The following BBS2 variants were observed in gnomAD, a reference collection of about 807,000 sequenced individuals.
The protein encoded by BBS2 is Bardet-Biedl syndrome 2.
In BBS2, 62 loss-of-function variants were observed where a neutral mutation model predicts 83.0. That is an observed-to-expected ratio of 0.75 (90% CI 0.61 to 0.92). The LOEUF (loss-of-function observed/expected upper bound fraction) is 0.92. Ranked by LOEUF, BBS2 falls within the 40% of genes least tolerant of loss-of-function variation. The pLI is 0.00. For missense variants in BBS2, 784 were observed against 901.0 expected, an observed-to-expected ratio of 0.87 and a Z score of 1.66; for synonymous variants, 303 against 326.1, an observed-to-expected ratio of 0.93 and a Z score of 0.76.
At chr16:56,478,657 A>C (rs1191340495) in intron 17 of BBS2, 1 of 152,248 alleles carries the variant, frequency 6.6e-6, no homozygotes, top group Admixed American at 6.5e-5. Context: ...ATCCAAGGCC[A>C]ATTTTCCAAT....
At chr16:56,476,621 A>G (rs1203433880) in intron 17 of BBS2, 1 of 153,824 alleles carries the variant, frequency 6.5e-6, no homozygotes, top group Non-Finnish European at 1.4e-5. Flanking sequence ...GAAGTTTTCC[A>G]TCTTCCCAAA....
chr16:56,485,797 A>AACCCTC, intron 15 of BBS2, 59 bp from the exon 16 acceptor site: 1 of 1,563,520 alleles, frequency 6.4e-7, no homozygotes, highest in South Asian at 1.1e-5. Context: ...GCTTAAGAAA[A>AACCCTC]ACTTGCAAAT....
At chr16:56,475,373 A>G (rs945244970) in intron 17 of BBS2, 2 of 814,894 alleles carry the variant, frequency 2.5e-6, no homozygotes, top group East Asian at 4.9e-5. Context: ...GTTCAAGCTC[A>G]TAAGTCATAG....
intron 16 of BBS2, among the ~76,000 whole-genome samples, chr16:56,485,072 ACAGT>A (rs1192853472): frequency 2.0e-5 from 3 of 152,174 alleles, no homozygotes; most frequent in South Asian, 2.1e-4. Flanking sequence ...CTAGAAACCA[ACAGT>A]CAGTTTTACA....
In BBS2 at chr16:56,519,930, C is replaced by T; in HGVS notation, c.-68G>A. On this transcript the variant is annotated 5_prime_UTR_variant, in exon 1 of 17. Coordinates refer to ENST00000245157, the MANE Select transcript of BBS2 (RefSeq NM_031885.5). Reference sequence around the variant, plus strand: ...AGCGCAGCGGAGCTGGCCTCACGCGCCCGGGCAAGAAGTGCAGGGACACTA... The same window carrying T: ...AGCGCAGCGGAGCTGGCCTCACGCGTCCGGGCAAGAAGTGCAGGGACACTA... 1 of 1,403,680 alleles carries T rather than the reference C, an allele frequency of 7.1e-7. No individual in the cohort carries two copies. The highest frequency in any genetic ancestry group is 1.2e-5 in the South Asian group (1 of 85,252). 87.0% of individuals were successfully genotyped at this position (1,403,680 alleles called of 1,614,324 possible).
In BBS2 at chr16:56,484,510, C is replaced by G. The variant is rs1477256483; in HGVS notation, c.*251G>C. 1 of 395,610 alleles carries G rather than the reference C, an allele frequency of 2.5e-6. No individual in the cohort carries two copies. Among genetic ancestry groups the G allele is most frequent in the Non-Finnish European group, 4.7e-6 (1 of 214,658 alleles). The allele number at this position is 395,610 out of a possible 1,614,324, so 24.5% of individuals were successfully genotyped here. A position where few individuals can be genotyped will look rare whatever the true frequency, so the allele number is the denominator to read the frequency against. On this transcript the variant is annotated 3_prime_UTR_variant, in exon 17 of 17. Coordinates refer to ENST00000245157, the MANE Select transcript of BBS2 (RefSeq NM_031885.5). Reference sequence around the variant, plus strand: ...ATAAGCAAAATTGGACTCTGAAGCCCTAATACTTCAAAAGCATTCATCCTA... The same window carrying G: ...ATAAGCAAAATTGGACTCTGAAGCCGTAATACTTCAAAAGCATTCATCCTA...
chr16:56,518,086 G>C (rs546712043), intron 1 of BBS2, among the ~76,000 whole-genome samples: 1 of 152,170 alleles, frequency 6.6e-6, no homozygotes, highest in South Asian at 2.1e-4. Context: ...CAAAGTGCTG[G>C]GATTACAGGC....
At chr16:56,479,008 C>T (rs1485029790) in intron 17 of BBS2, 2 of 152,172 alleles carry the variant, frequency 1.3e-5, no homozygotes, top group African/African-American at 2.4e-5. Context: ...GGCCTGGGGC[C>T]AATGTCAACA....
intron 15 of BBS2, among the ~76,000 whole-genome samples, chr16:56,492,470 C>T (rs1467218747): frequency 1.3e-5 from 2 of 151,932 alleles, no homozygotes; most frequent in African/African-American, 4.8e-5. Context: ...TTCATAAAAT[C>T]AAAGAGTAGA....
At chr16:56,515,643 CAG>C (rs1964717081) in intron 1 of BBS2, among the ~76,000 whole-genome samples, 1 of 152,112 alleles carries the variant, frequency 6.6e-6, no homozygotes, top group African/African-American at 2.4e-5. Flanking sequence ...TAAATCCAAA[CAG>C]AATTAATTTT....
At chr16:56,512,804 CAGA>C (rs1964615961) in intron 2 of BBS2, among the ~76,000 whole-genome samples, 1 of 152,160 alleles carries the variant, frequency 6.6e-6, no homozygotes, top group Non-Finnish European at 1.5e-5. Flanking sequence ...GAACTGTACA[CAGA>C]AGGTCTGTGC....
At chr16:56,508,228 G>A (rs1964477338) in intron 5 of BBS2, among the ~76,000 whole-genome samples, 1 of 152,176 alleles carries the variant, frequency 6.6e-6, no homozygotes, top group Non-Finnish European at 1.5e-5. Flanking sequence ...TTATAGTTAG[G>A]AGAAAAGAAG....
At chr16:56,495,350 T>C (rs1483481118) in intron 15 of BBS2, among the ~76,000 whole-genome samples, 1 of 152,180 alleles carries the variant, frequency 6.6e-6, no homozygotes, top group Non-Finnish European at 1.5e-5. Context: ...TGCTTCCTCA[T>C]GGAAGTAAAC....
At chr16:56,493,932 G>T (rs139899217) in intron 15 of BBS2, among the ~76,000 whole-genome samples, 35 of 152,104 alleles carry the variant, frequency 2.3e-4, no homozygotes, top group Non-Finnish European at 4.6e-4. Flanking sequence ...GAAGCAAATA[G>T]TTATGTTGAT....
chr16:56,517,467 G>C (rs192679668), intron 1 of BBS2, among the ~76,000 whole-genome samples: 281 of 152,344 alleles, frequency 1.8e-3, no homozygotes, highest in African/African-American at 6.5e-3. Flanking sequence ...TGCAGAGCTT[G>C]TTTCCTCAGT....
rs771932068 is a variant in BBS2 at position 56,474,791 on chromosome 16, A to AT, written c.*1-4097dup. 525 of 1,575,802 alleles carry AT rather than the reference A, an allele frequency of 3.3e-4. 2 individuals carry two copies. Among genetic ancestry groups the AT allele is most frequent in the Non-Finnish European group, 3.8e-4 (443 of 1,160,186 alleles). The stretch of plus-strand genomic sequence containing the variant: ...GCAATCCAACAGTTCTATCAAGGTT[A>AT]TTTTTTAAAGTTTCTCATCTTTTTT... On this transcript the variant is annotated intron_variant, in intron 17 of 17. Transcript: ENST00000682047.
intron 15 of BBS2, among the ~76,000 whole-genome samples, chr16:56,491,929 A>G (rs1963963015): frequency 6.6e-6 from 1 of 151,906 alleles, no homozygotes; most frequent in Non-Finnish European, 1.5e-5. Flanking sequence ...ATCAAAAAAA[A>G]GACAACAAGT....
intron 5 of BBS2, chr16:56,509,756 A>T: frequency 1.8e-6 from 1 of 560,522 alleles, no homozygotes; most frequent in Non-Finnish European, 3.2e-6. Flanking sequence ...CTATTTAATC[A>T]GTCTTTTCAA....
downstream of BBS2, among the ~76,000 whole-genome samples, chr16:56,481,312 G>A (rs959568491): frequency 2.0e-5 from 3 of 152,126 alleles, no homozygotes; most frequent in East Asian, 1.9e-4. Flanking sequence ...GCACTGGGGC[G>A]AGGGTGACGC....
Sources: gnomAD v4.1 joint callset for allele counts (sites outside exome capture counted in the v4.1 genomes callset) on GRCh38, gnomAD v4.1.1 for gene constraint, MANE v1.5 for transcripts, NCBI Gene and HGNC (gene_info 2026-07-23, HGNC 2026-07-21) for gene names.